Variants in HS3ST4 observed in about 807,000 individuals in gnomAD.
The protein encoded by HS3ST4 is heparan sulfate glucosamine 3-O-sulfotransferase 4.
HS3ST4 carries 17 observed loss-of-function variants against 29.2 expected under a neutral mutation model. That is an observed-to-expected ratio of 0.58 (90% CI 0.40 to 0.87). The LOEUF is 0.87. Ranked by LOEUF, HS3ST4 falls within the 40% of genes least tolerant of loss-of-function variation. The pLI is 0.00. For missense variants in HS3ST4, 627 were observed against 634.5 expected (o/e 0.99, Z 0.13); for synonymous variants, 314 against 285.7 (o/e 1.10, Z -1.00).
At chr16:25,697,250 A>T (rs1966304364) in intron 1 of HS3ST4, among the ~76,000 whole-genome samples, 1 of 152,224 alleles carries the variant, frequency 6.6e-6, no homozygotes, top group South Asian at 2.1e-4. Context: ...GACAGCAGAC[A>T]AAGAGCCAAA....
chr16:26,071,923 C>T lies in HS3ST4; in HGVS notation c.735-63689C>T, dbSNP rs141739685. On this transcript the variant is annotated intron_variant, in intron 1 of 1. Transcript: ENST00000331351. ...CATTTGGAACACTCACGAGGGGTCT[C>T]AAATTGGAGCCAACTGGAAGCATAT... Among the ~76,000 whole-genome samples the T allele has an allele frequency of 1.8e-3, 277 of 152,288 alleles. 1 individual carries two copies. The highest frequency in any genetic ancestry group is 0.017 in the Middle Eastern group (5 of 294).
At chr16:25,858,922 C>T (rs1041331544) in intron 1 of HS3ST4, among the ~76,000 whole-genome samples, 2 of 152,040 alleles carry the variant, frequency 1.3e-5, no homozygotes, top group African/African-American at 2.4e-5. Context: ...CTCGAGAATA[C>T]ACCAGAAACC....
chr16:25,845,282 G>T (rs747621606), intron 1 of HS3ST4, among the ~76,000 whole-genome samples: 2 of 152,170 alleles, frequency 1.3e-5, no homozygotes, highest in Non-Finnish European at 2.9e-5. Context: ...GCTGAGTCTG[G>T]CAGATCGCCT....
At chr16:25,793,298 C>A (rs549736190) in intron 1 of HS3ST4, among the ~76,000 whole-genome samples, 10 of 152,010 alleles carry the variant, frequency 6.6e-5, no homozygotes, top group African/African-American at 2.2e-4. Context: ...AGATAAACAT[C>A]GTTAATCTTA....
At chr16:25,702,448 A>G (rs992221999) in intron 1 of HS3ST4, among the ~76,000 whole-genome samples, 5 of 152,216 alleles carry the variant, frequency 3.3e-5, no homozygotes, top group African/African-American at 4.8e-5. Flanking sequence ...AAAACAAAAT[A>G]TTAATACTCT....
At chr16:25,795,274 C>A (rs1402587769) in intron 1 of HS3ST4, among the ~76,000 whole-genome samples, 2 of 151,944 alleles carry the variant, frequency 1.3e-5, no homozygotes, top group Non-Finnish European at 2.9e-5. Context: ...CCTGGCCCCC[C>A]ATCCCGCCTT....
At chr16:25,782,320 A>G (rs1471126301) in intron 1 of HS3ST4, among the ~76,000 whole-genome samples, 1 of 152,156 alleles carries the variant, frequency 6.6e-6, no homozygotes, top group Non-Finnish European at 1.5e-5. Flanking sequence ...CTCAGCCACC[A>G]AACGGAAGTA....
intron 1 of HS3ST4, among the ~76,000 whole-genome samples, chr16:25,701,689 A>T (rs1243283192): frequency 2.0e-5 from 3 of 152,218 alleles, no homozygotes; most frequent in African/African-American, 7.2e-5. Flanking sequence ...GTATTTATTC[A>T]TTAAACATGT....
At chr16:25,765,739 A>T (rs1213157850) in intron 1 of HS3ST4, among the ~76,000 whole-genome samples, 4 of 152,180 alleles carry the variant, frequency 2.6e-5, no homozygotes, top group Non-Finnish European at 5.9e-5. Flanking sequence ...AGCCCCCTAC[A>T]ACAAACCTCA....
chr16:25,969,262 C>G (rs949618321), intron 1 of HS3ST4, among the ~76,000 whole-genome samples: 3 of 152,204 alleles, frequency 2.0e-5, no homozygotes, highest in African/African-American at 4.8e-5. Flanking sequence ...CTCTTTTGCT[C>G]TCATACTGTG....
At chr16:25,980,605 CA>C (rs1459222044) in intron 1 of HS3ST4, among the ~76,000 whole-genome samples, 1 of 152,168 alleles carries the variant, frequency 6.6e-6, no homozygotes, top group Non-Finnish European at 1.5e-5. Context: ...AAGGTTATGA[CA>C]AAGGCTTCTT....
chr16:25,851,884 T>C (rs1447044293), intron 1 of HS3ST4, among the ~76,000 whole-genome samples: 4 of 151,846 alleles, frequency 2.6e-5, no homozygotes, highest in Admixed American at 6.6e-5. Flanking sequence ...TCGAAGTTAT[T>C]AATGGATCCT....
chr16:25,957,815 G>A (rs996463844), intron 1 of HS3ST4, among the ~76,000 whole-genome samples: 1 of 152,216 alleles, frequency 6.6e-6, no homozygotes, highest in Non-Finnish European at 1.5e-5. Context: ...TTTTCTGGGA[G>A]CCTGCTCTGA....
chr16:25,765,250 C>T (rs1028010806), intron 1 of HS3ST4, among the ~76,000 whole-genome samples: 8 of 152,200 alleles, frequency 5.3e-5, no homozygotes, highest in African/African-American at 1.9e-4. Flanking sequence ...GCATGAAATT[C>T]TGTTCCACTG....
intron 1 of HS3ST4, among the ~76,000 whole-genome samples, chr16:25,903,326 T>TATGTATATGTATATATTATATAC: frequency 7.5e-6 from 1 of 132,484 alleles, no homozygotes; most frequent in Non-Finnish European, 1.6e-5. Context: ...ATATTATATA[T>TATGTATATGTATATATTATATAC]ATGTATATGT....
intron 1 of HS3ST4, among the ~76,000 whole-genome samples, chr16:26,128,313 T>C (rs996874508): frequency 1.3e-5 from 2 of 152,178 alleles, no homozygotes; most frequent in African/African-American, 2.4e-5. Context: ...TACCCCATAG[T>C]TGGTACGTAA....
intron 1 of HS3ST4, among the ~76,000 whole-genome samples, chr16:25,719,619 C>A (rs937273452): frequency 2.0e-5 from 3 of 152,182 alleles, no homozygotes; most frequent in Non-Finnish European, 4.4e-5. Context: ...TTTGTTGCAG[C>A]ATGAACTCAA....
intron 1 of HS3ST4, among the ~76,000 whole-genome samples, chr16:25,824,541 T>G (rs2141635380): frequency 1.3e-5 from 2 of 152,238 alleles, no homozygotes; most frequent in East Asian, 3.9e-4. Context: ...TCATCAGATC[T>G]TATGTGACGT....
intron 1 of HS3ST4, among the ~76,000 whole-genome samples, chr16:25,894,849 TCTC>T (rs1968043952): frequency 6.6e-6 from 1 of 152,170 alleles, no homozygotes; most frequent in Non-Finnish European, 1.5e-5. Context: ...GAAAATTCCT[TCTC>T]ATATCATTCC....
Sources: allele counts gnomAD v4.1 joint callset (sites outside exome capture counted in the v4.1 genomes callset), GRCh38; gene constraint gnomAD v4.1.1; transcripts MANE v1.5; gene names NCBI Gene and HGNC (gene_info 2026-07-23, HGNC 2026-07-21).